DLGAP4: variants seen among roughly 807,000 people sequenced by gnomAD.
The protein encoded by DLGAP4 is DLG associated protein 4.
DLGAP4 carries 18 observed loss-of-function variants against 86.9 expected under a neutral mutation model. The ratio of observed to expected loss-of-function variants is 0.21; its 90% CI spans 0.14 to 0.31. DLGAP4 has a LOEUF of 0.31. DLGAP4 is among the 10% of genes least tolerant of loss of function. The pLI, the probability that DLGAP4 is intolerant of heterozygous loss-of-function variation, is 1.00. For missense variants in DLGAP4, 1,085 were observed against 1,362.6 expected, an observed-to-expected ratio of 0.80 and a Z score of 3.21; for synonymous variants, 548 against 574.3, an observed-to-expected ratio of 0.95 and a Z score of 0.65.
At position 36,343,817 on chromosome 20, in the gene DLGAP4, C is replaced by A. The variant is rs1191155041; in HGVS notation, c.-303-23228C>A. Among the ~76,000 whole-genome samples the A allele has an allele frequency of 2.0e-5, 3 of 152,232 alleles. No homozygotes were observed. The East Asian group carries it at 5.8e-4, about 29-fold the overall frequency. On this transcript the variant is annotated intron_variant, in intron 1 of 12. Transcript: ENST00000339266. ...CTGGTGCCACCCTCTCCCCGGTACT[C>A]AGATGCCTGCTGGCAAGGGCACTGG...
rs1400891488 is a variant in DLGAP4, at chr20:36,393,930, C to T, written c.-73+26655C>T. On this transcript the variant is annotated intron_variant, in intron 2 of 12. Coordinates refer to ENST00000339266, the MANE Select transcript of DLGAP4 (RefSeq NM_001365621.2). This position sits in a 1 kb window ranked among gnomAD's most constrained non-coding sequence, Gnocchi z 4.4. ...TCATCCCTCGCCTGCCCACAGAATG[C>T]GCCCCAGGCCCTGCTGTACACACAG... 1.3e-5 allele frequency among the ~76,000 whole-genome samples: 2 copies of T among 152,136 alleles called. No individual in the cohort carries two copies. Among genetic ancestry groups the T allele is most frequent in the African/African-American group, 2.4e-5 (1 of 41,428 alleles).
chr20:36,469,608 C>T (rs1304009807), intron 7 of DLGAP4, among the ~76,000 whole-genome samples: 1 of 152,006 alleles, frequency 6.6e-6, no homozygotes, highest in Non-Finnish European at 1.5e-5. Context: ...CAAAAATTAG[C>T]CGAGCGTGGT....
chr20:36,507,498 G>T (rs1284428100), intron 10 of DLGAP4, among the ~76,000 whole-genome samples: 1 of 152,146 alleles, frequency 6.6e-6, no homozygotes, highest in Non-Finnish European at 1.5e-5. Context: ...AAAATGCTGG[G>T]ATTACAGGTG....
intron 1 of DLGAP4, among the ~76,000 whole-genome samples, chr20:36,319,968 G>A (rs886210082): frequency 3.3e-5 from 5 of 151,018 alleles, no homozygotes; most frequent in Non-Finnish European, 5.9e-5. Context: ...CTCCCTCTGC[G>A]TCCCACTCCC....
chr20:36,345,773 T>C (rs2029917711), intron 1 of DLGAP4, among the ~76,000 whole-genome samples: 1 of 152,062 alleles, frequency 6.6e-6, no homozygotes, highest in Non-Finnish European at 1.5e-5. Flanking sequence ...CTTTTTTTTT[T>C]CTGAGACAGA....
Position 36,496,753 on chromosome 20 carries a change from C to T in DLGAP4, c.1697C>T (p.Pro566Leu). ...AYKKTPPPVP[P>L]RTTSKPFISV... ...AAGAAGACCCCGCCACCGGTCCCTC[C>T]ACGCACCACTTCAAAGCCGTTCATC... is the stretch of plus-strand genomic sequence containing the variant. The change falls in exon 8 of 13, where the codon CCA becomes CTA. Residue 566 changes from proline to leucine, a missense_variant. Around this residue, in one of 2 missense-constraint regions of DLGAP4, gnomAD observed 1,082 missense variants for 1,344.1 expected, o/e 0.81. Transcript: ENST00000339266. 6.2e-7 allele frequency: 1 copy of T among 1,613,134 alleles called. No homozygotes were observed. The highest frequency in any genetic ancestry group is 8.5e-7 in the Non-Finnish European group (1 of 1,179,136).
At chr20:36,448,597 T>G (rs2033659436) in intron 7 of DLGAP4, among the ~76,000 whole-genome samples, 1 of 152,170 alleles carries the variant, frequency 6.6e-6, no homozygotes, top group South Asian at 2.1e-4. Context: ...TGGTAGCTGT[T>G]ATTGTTGGTT....
At position 36,526,968 on chromosome 20, in the gene DLGAP4, C is replaced by T; in HGVS notation, c.2916C>T (p.Asn972=). 1 of 1,611,736 alleles carries T rather than the reference C, an allele frequency of 6.2e-7. No individual in the cohort carries two copies. The highest frequency in any genetic ancestry group is 8.5e-7 in the Non-Finnish European group (1 of 1,178,856). Residue 972 remains asparagine (N), a synonymous_variant, in exon 13 of 13, where the codon AAC becomes AAT. Transcript: ENST00000339266. ...AGCGGGCAGCTTCTGTGCGGCAGAA[C>T]TCAGCCACCGAGAGCGCAGACAGCA... ...AAKRAASVRQ[N]SATESADSIE...
At chr20:36,509,879 A>G (rs2036592833) in intron 10 of DLGAP4, among the ~76,000 whole-genome samples, 1 of 150,408 alleles carries the variant, frequency 6.6e-6, no homozygotes, top group Admixed American at 6.6e-5. Flanking sequence ...TTTTTGAGAC[A>G]GAGTTTTGCT....
At chr20:36,319,326 A>G (rs1055069246) in intron 1 of DLGAP4, among the ~76,000 whole-genome samples, 1 of 152,048 alleles carries the variant, frequency 6.6e-6, no homozygotes, top group African/African-American at 2.4e-5. Context: ...CGCTGTCCTC[A>G]GAGAGATAAC....
chr20:36,376,491 T>A (rs71351020), intron 2 of DLGAP4, among the ~76,000 whole-genome samples: 10 of 151,934 alleles, frequency 6.6e-5, no homozygotes, highest in Admixed American at 3.3e-4. Flanking sequence ...TATAATTTTT[T>A]AAAAAAATAA....
At chr20:36,420,868 G>A (rs1374150420) in intron 2 of DLGAP4, among the ~76,000 whole-genome samples, 1 of 152,134 alleles carries the variant, frequency 6.6e-6, no homozygotes, top group Non-Finnish European at 1.5e-5. Flanking sequence ...AGCTACTCTG[G>A]AGGCTGAGGC....
At chr20:36,424,695 AG>A (rs1382581909) in intron 2 of DLGAP4, among the ~76,000 whole-genome samples, 1 of 151,524 alleles carries the variant, frequency 6.6e-6, no homozygotes, top group African/African-American at 2.4e-5. Context: ...CTCTCAGGAA[AG>A]TTACGGGCAC....
At chr20:36,496,079 T>C (rs2035873369) in intron 7 of DLGAP4, among the ~76,000 whole-genome samples, 2 of 151,954 alleles carry the variant, frequency 1.3e-5, no homozygotes, top group Non-Finnish European at 2.9e-5. Flanking sequence ...TCCATGTTGG[T>C]CAGGCTGGTC....
At chr20:36,415,380 G>A (rs1286044332) in intron 2 of DLGAP4, among the ~76,000 whole-genome samples, 1 of 152,188 alleles carries the variant, frequency 6.6e-6, no homozygotes, top group Non-Finnish European at 1.5e-5. Context: ...AATATGTTGT[G>A]TGACTAGGCC....
At chr20:36,384,197 G>T (rs2031513291) in intron 2 of DLGAP4, among the ~76,000 whole-genome samples, 1 of 152,130 alleles carries the variant, frequency 6.6e-6, no homozygotes, top group Non-Finnish European at 1.5e-5. Flanking sequence ...CTGATGTCAG[G>T]GGTGTTGTCC....
At position 36,331,823 on chromosome 20, in the gene DLGAP4, C is replaced by A. The variant is rs187094094; in HGVS notation, c.-304+25311C>A. Among the ~76,000 whole-genome samples, 162 of 152,158 alleles carry A rather than the reference C, an allele frequency of 1.1e-3. 1 individual carries two copies. Among genetic ancestry groups the A allele is most frequent in the African/African-American group, 3.8e-3 (158 of 41,516 alleles). ...TGTCTGCTGGGGTGGTCAGGGAGGG[C>A]CTCTCTGGGGAGGTGACATTTGAGC... On this transcript the variant is annotated intron_variant, in intron 1 of 12. Transcript: ENST00000339266.
intron 2 of DLGAP4, among the ~76,000 whole-genome samples, chr20:36,408,189 TG>T (rs1039012287): frequency 6.6e-6 from 1 of 151,604 alleles, no homozygotes; most frequent in Non-Finnish European, 1.5e-5. Context: ...ACAAGGATTG[TG>T]GGGGTTTGTT....
At chr20:36,499,357 T>TCCCGCCCACCTGCCCG in intron 8 of DLGAP4, 1 of 1,113,836 alleles carries the variant, frequency 9.0e-7, no homozygotes, top group East Asian at 5.4e-5. Context: ...CCATCCCACC[T>TCCCGCCCACCTGCCCG]CCCGCCCACC....
Sources: gnomAD v4.1 joint callset for allele counts (sites outside exome capture counted in the v4.1 genomes callset) on GRCh38, gnomAD v4.1.1 for gene constraint, gnomAD v4.1.1 regional missense constraint, Gnocchi (gnomAD v3.1) non-coding constraint, MANE v1.5 for transcripts, NCBI Gene and HGNC (gene_info 2026-07-23, HGNC 2026-07-21) for gene names.